The following SOX5 variants were observed in gnomAD, a reference collection of about 807,000 sequenced individuals.
SOX5 encodes transcription factor SOX-5.
SOX5 carries 9 observed loss-of-function variants against 92.0 expected under a neutral mutation model. The observed-to-expected ratio is 0.10, with a 90% CI of 0.06 to 0.17. The LOEUF is 0.17. Among genes scored for constraint, SOX5 ranks in the 10% least tolerant of loss-of-function variants. The probability of loss-of-function intolerance (pLI) is 1.00; values close to 1 mark genes in which losing one functional copy is unlikely to be tolerated. For missense variants in SOX5, 642 were observed against 944.5 expected (o/e 0.68, Z 4.20); for synonymous variants, 344 against 336.3 (o/e 1.02, Z -0.25).
intron 1 of SOX5, among the ~76,000 whole-genome samples, chr12:23,914,377 C>A (rs1015649423): frequency 9.2e-5 from 14 of 152,020 alleles, no homozygotes; most frequent in Non-Finnish European, 1.8e-4. Flanking sequence ...AATTTATGGC[C>A]ATGCAACATA....
intron 4 of SOX5, among the ~76,000 whole-genome samples, chr12:24,070,104 C>G (rs1373901559): frequency 2.0e-5 from 3 of 152,174 alleles, no homozygotes; most frequent in Non-Finnish European, 4.4e-5. Context: ...CAACACTAAT[C>G]TTCTCATACT....
intron 3 of SOX5, among the ~76,000 whole-genome samples, chr12:24,235,846 G>A (rs143402687): frequency 9.7e-4 from 147 of 152,124 alleles, no homozygotes; most frequent in Admixed American, 2.7e-3. Flanking sequence ...GTCAGAAGTC[G>A]GGAATTTGTA....
intron 4 of SOX5, among the ~76,000 whole-genome samples, chr12:24,004,136 T>C (rs1212231145): frequency 6.6e-6 from 1 of 151,288 alleles, no homozygotes; most frequent in Admixed American, 6.6e-5. Context: ...CCTCTCACCA[T>C]AAACAAAAGA....
intron 1 of SOX5, among the ~76,000 whole-genome samples, chr12:24,488,709 G>A (rs2137925939): frequency 6.6e-6 from 1 of 152,270 alleles, no homozygotes; most frequent in South Asian, 2.1e-4. Flanking sequence ...ATAAGTGTAA[G>A]TATTTTAAAA....
intron 13 of SOX5, 79 bp downstream of exon 13, chr12:23,543,132 C>A: frequency 8.2e-7 from 1 of 1,226,092 alleles, no homozygotes; most frequent in Non-Finnish European, 1.1e-6. Context: ...GCCTCCAAAT[C>A]CAGGATCCTT....
At chr12:24,084,590 G>A (rs1943741056) in intron 4 of SOX5, among the ~76,000 whole-genome samples, 1 of 151,962 alleles carries the variant, frequency 6.6e-6, no homozygotes, top group South Asian at 2.1e-4. Flanking sequence ...GGAAAATATT[G>A]GAAGTAAAAT....
intron 8 of SOX5, among the ~76,000 whole-genome samples, chr12:23,610,194 A>G (rs2075778727): frequency 6.6e-6 from 1 of 152,188 alleles, no homozygotes; most frequent in Admixed American, 6.6e-5. Context: ...TGTGAGGAGT[A>G]GAGAAATTCT....
intron 9 of SOX5, among the ~76,000 whole-genome samples, chr12:23,592,130 T>C (rs1295484622): frequency 6.6e-6 from 1 of 152,212 alleles, no homozygotes. Context: ...AACAGAGCTT[T>C]AAGAAAATAT....
At chr12:24,433,944 A>G (rs1938897340) in intron 1 of SOX5, among the ~76,000 whole-genome samples, 1 of 152,140 alleles carries the variant, frequency 6.6e-6, no homozygotes, top group Non-Finnish European at 1.5e-5. Context: ...TTCTGGGAAA[A>G]AGAGACATTA....
chr12:24,173,764 C>T lies in SOX5; in HGVS notation c.-2+39579G>A, dbSNP rs181749621. ...AATTAGAATTTCTGGGTGTGAGGCT[C>T]AGGAATTTTTATGAACGTCCACTGT... On this transcript the variant is annotated intron_variant, in intron 4 of 4. Transcript: ENST00000446891. 2.0e-5 allele frequency among the ~76,000 whole-genome samples: 3 copies of T among 152,148 alleles called. No homozygotes were observed. In the East Asian group the frequency reaches 5.8e-4, roughly 29 times the overall value.
chr12:23,807,676 T>C (rs2095804060), intron 3 of SOX5, among the ~76,000 whole-genome samples: 1 of 150,628 alleles, frequency 6.6e-6, no homozygotes, highest in Non-Finnish European at 1.5e-5. Context: ...AGTTTTGCTG[T>C]GTTGCCCAGG....
At chr12:24,513,604 G>A (rs1006829242) in intron 1 of SOX5, among the ~76,000 whole-genome samples, 1 of 152,116 alleles carries the variant, frequency 6.6e-6, no homozygotes, top group Non-Finnish European at 1.5e-5. Context: ...GGGGAACATC[G>A]CAAGAATACT....
chr12:23,791,991 A>G (rs1001559065), intron 3 of SOX5, among the ~76,000 whole-genome samples: 2 of 152,020 alleles, frequency 1.3e-5, no homozygotes, highest in East Asian at 3.9e-4. Flanking sequence ...ATATTAAATT[A>G]TCTCTTTCTA....
intron 1 of SOX5, among the ~76,000 whole-genome samples, chr12:24,430,012 C>A (rs1937975006): frequency 6.6e-6 from 1 of 152,148 alleles, no homozygotes; most frequent in South Asian, 2.1e-4. Context: ...TCTATTAGCA[C>A]AGTTTTTAAC....
At chr12:23,720,296 G>A (rs1389439512) in intron 6 of SOX5, among the ~76,000 whole-genome samples, 1 of 152,078 alleles carries the variant, frequency 6.6e-6, no homozygotes, top group African/African-American at 2.4e-5. Context: ...TTTACGGTGG[G>A]AGAAAAAGTA....
chr12:24,226,852 T>TTGAA (rs575561385), intron 3 of SOX5, among the ~76,000 whole-genome samples: 2,346 of 123,136 alleles, frequency 0.019, 35 homozygotes, highest in Non-Finnish European at 0.028. Flanking sequence ...AAAACAGTGA[T>TTGAA]TGAATGAATG....
At chr12:24,127,262 A>G (rs1391487368) in intron 4 of SOX5, among the ~76,000 whole-genome samples, 1 of 151,654 alleles carries the variant, frequency 6.6e-6, no homozygotes, top group Non-Finnish European at 1.5e-5. Context: ...ATGGTGGCGC[A>G]TGCCTGTAGT....
At chr12:23,813,678 C>CGT (rs1567983905) in intron 3 of SOX5, among the ~76,000 whole-genome samples, 1 of 152,178 alleles carries the variant, frequency 6.6e-6, no homozygotes, top group South Asian at 2.1e-4. Flanking sequence ...ATTCCTCATC[C>CGT]GTGTACCATT....
intron 1 of SOX5, among the ~76,000 whole-genome samples, chr12:24,410,311 T>C (rs1963846005): frequency 1.3e-5 from 2 of 152,138 alleles, no homozygotes; most frequent in African/African-American, 4.8e-5. Flanking sequence ...AATAGCAAAA[T>C]TGTTCATTTT....
Sources: gnomAD v4.1 joint callset for allele counts (sites outside exome capture counted in the v4.1 genomes callset) on GRCh38, gnomAD v4.1.1 for gene constraint, MANE v1.5 for transcripts, NCBI Gene and HGNC (gene_info 2026-07-23, HGNC 2026-07-21) for gene names.